The following SPATA3 variants were observed in gnomAD, a reference collection of about 807,000 sequenced individuals.
SPATA3 encodes spermatogenesis associated 3, also known as spermatogenesis-associated protein 3.
Under a neutral mutation model 5.7 loss-of-function variants are expected in SPATA3, and 6 were observed. The ratio of observed to expected loss-of-function variants is 1.06; its 90% CI spans 0.58 to 2.09. SPATA3 has a LOEUF of 2.09. SPATA3 is among the 30% of genes most tolerant of loss of function. The probability of loss-of-function intolerance (pLI) is 0.00; values close to 1 mark genes in which losing one functional copy is unlikely to be tolerated. For synonymous variants in SPATA3, 44 were observed against 48.4 expected (o/e 0.91, Z 0.37); for missense variants, 155 against 130.4 (o/e 1.19, Z -0.92).
chr2:231,004,738 G>C (rs1692474865), downstream of SPATA3, among the ~76,000 whole-genome samples: 1 of 152,122 alleles, frequency 6.6e-6, no homozygotes, highest in Non-Finnish European at 1.5e-5. Flanking sequence ...TCAATACCCA[G>C]TATTTCTGAG....
chr2:230,998,189 C>T (rs1031341963), intron 1 of SPATA3, among the ~76,000 whole-genome samples: 17 of 152,192 alleles, frequency 1.1e-4, no homozygotes, highest in Non-Finnish European at 1.8e-4. Flanking sequence ...GTTTACCCCC[C>T]GGGATTGTGT....
At chr2:230,997,137 A>G (rs1469790858) in intron 1 of SPATA3, among the ~76,000 whole-genome samples, 1 of 152,144 alleles carries the variant, frequency 6.6e-6, no homozygotes, top group Non-Finnish European at 1.5e-5. Context: ...TCCCCACCCA[A>G]ATCTCTTCTT....
chr2:231,002,732 C>G (rs1286195030), exon 3 of SPATA3: 5 of 1,532,998 alleles, frequency 3.3e-6, no homozygotes, highest in Non-Finnish European at 4.4e-6. Context: ...GTCCTCCAAG[C>G]CCTCGGAACT....
intron 6 of SPATA3, among the ~76,000 whole-genome samples, chr2:231,016,045 T>G (rs1014453541): frequency 2.0e-5 from 3 of 152,200 alleles, no homozygotes; most frequent in Non-Finnish European, 4.4e-5. Context: ...AAGCCCCCAC[T>G]TTCCCTGTCT....
At chr2:230,997,950 A>T (rs528332676) in intron 1 of SPATA3, among the ~76,000 whole-genome samples, 1 of 152,338 alleles carries the variant, frequency 6.6e-6, no homozygotes, top group South Asian at 2.1e-4. Flanking sequence ...GGCTCATAGG[A>T]GTCAAACAGG....
At chr2:231,001,073 T>A (rs1163930507) in intron 2 of SPATA3, among the ~76,000 whole-genome samples, 1 of 152,200 alleles carries the variant, frequency 6.6e-6, no homozygotes, top group Non-Finnish European at 1.5e-5. Context: ...GCTGGGCTCT[T>A]TCTGGGGGTC....
rs574764501 is a variant in SPATA3 at position 231,013,489 on chromosome 2, AT to A, written c.*227-372del. 6.1e-3 allele frequency among the ~76,000 whole-genome samples: 889 copies of A among 144,866 alleles called. 5 individuals are homozygous for A. Among genetic ancestry groups the A allele is most frequent in the African/African-American group, 0.018 (732 of 39,626 alleles). On this transcript the variant is annotated intron_variant, in intron 5 of 8. Coordinates refer to the SPATA3 transcript ENST00000452881. Reference sequence around the variant, plus strand: ...CATTCAGATTGGTTCCAGTTTTTAGATTTTTTTTTTTTTCTTTTGAGAAGGA... The same window carrying A: ...CATTCAGATTGGTTCCAGTTTTTAGATTTTTTTTTTTTCTTTTGAGAAGGA...
chr2:231,003,113 A>G (rs1024342088), downstream of SPATA3, among the ~76,000 whole-genome samples: 1 of 152,104 alleles, frequency 6.6e-6, no homozygotes, highest in Non-Finnish European at 1.5e-5. Context: ...CCCATCTCGG[A>G]CCTTTCTTGG....
intron 5 of SPATA3, chr2:231,012,829 A>G (rs1000984889): frequency 2.6e-5 from 4 of 152,206 alleles, no homozygotes; most frequent in Non-Finnish European, 5.9e-5. Context: ...GGGAACAAGC[A>G]AAAGAATCGT....
chr2:231,015,680 C>CT (rs1169232919), intron 6 of SPATA3, among the ~76,000 whole-genome samples: 1 of 152,220 alleles, frequency 6.6e-6, no homozygotes, highest in Non-Finnish European at 1.5e-5. Flanking sequence ...CTCTGGGCCC[C>CT]TAGGCACCCT....
chr2:231,010,079 G>T (rs1692743775), downstream of SPATA3, among the ~76,000 whole-genome samples: 2 of 152,264 alleles, frequency 1.3e-5, no homozygotes, highest in Non-Finnish European at 2.9e-5. Flanking sequence ...GTGGCTGTGA[G>T]TTTGGGGACA....
chr2:231,005,007 CCACCATCATCACCAT>C (rs1692492525), downstream of SPATA3, among the ~76,000 whole-genome samples: 1 of 44,750 alleles, frequency 2.2e-5, no homozygotes, highest in Non-Finnish European at 4.4e-5. Flanking sequence ...ACCATCATCA[CCACCATCATCACCAT>C]CACCATCATC....
chr2:230,996,468 C>G, intron 1 of SPATA3: 6 of 1,552,336 alleles, frequency 3.9e-6, no homozygotes, highest in Non-Finnish European at 5.2e-6. Context: ...CGAAATCCGC[C>G]GCTCCTCTTG....
downstream of SPATA3, among the ~76,000 whole-genome samples, chr2:231,010,640 T>C (rs887961073): frequency 2.5e-4 from 38 of 152,138 alleles, no homozygotes; most frequent in South Asian, 1.0e-3. Flanking sequence ...GACTGAGAGA[T>C]AGGAGGGCAG....
chr2:230,997,759 C>T (rs917291517), intron 1 of SPATA3, among the ~76,000 whole-genome samples: 1 of 152,176 alleles, frequency 6.6e-6, no homozygotes, highest in Non-Finnish European at 1.5e-5. Flanking sequence ...AGAGGGAATT[C>T]AAGTGGAGTT....
intron 2 of SPATA3, 132 bp downstream of exon 2, chr2:231,000,669 TCTTTG>T: frequency 1.9e-6 from 2 of 1,064,296 alleles, no homozygotes; most frequent in Non-Finnish European, 2.5e-6. Flanking sequence ...TTTCTTTCCC[TCTTTG>T]CTTTGCCCAC....
chr2:231,018,457 T>TGG (rs879473782), intron 6 of SPATA3, among the ~76,000 whole-genome samples: 43,025 of 151,954 alleles, frequency 0.28, 6,307 homozygotes, highest in Admixed American at 0.35. Flanking sequence ...CCATATGGTA[T>TGG]AGAAACTTCA....
downstream of SPATA3, chr2:231,002,802 A>T: frequency 6.8e-7 from 1 of 1,459,944 alleles, no homozygotes; most frequent in Non-Finnish European, 9.1e-7. Context: ...CCTTGTGAAC[A>T]AGCCCCTAGG....
chr2:230,998,772 T>C (rs1285019377), intron 1 of SPATA3, among the ~76,000 whole-genome samples: 1 of 152,220 alleles, frequency 6.6e-6, no homozygotes, highest in Non-Finnish European at 1.5e-5. Flanking sequence ...TCATACACTG[T>C]AGGCGGGAAT....
Sources: gnomAD v4.1 joint callset for allele counts (sites outside exome capture counted in the v4.1 genomes callset) on GRCh38, gnomAD v4.1.1 for gene constraint, MANE v1.5 for transcripts, NCBI Gene and HGNC (gene_info 2026-07-23, HGNC 2026-07-21) for gene names.